ADAMTS12: variants seen among roughly 807,000 people sequenced by gnomAD.
The protein encoded by ADAMTS12 is A disintegrin and metalloproteinase with thrombospondin motifs 12.
A neutral mutation model predicts 167.8 loss-of-function variants in ADAMTS12; 118 were observed. The ratio of observed to expected loss-of-function variants is 0.70; its 90% confidence interval spans 0.61 to 0.82. The LOEUF (loss-of-function observed/expected upper bound fraction) is 0.82. ADAMTS12 is among the 40% of genes least tolerant of loss of function. The probability of loss-of-function intolerance (pLI) is 0.00; values close to 1 mark genes in which losing one functional copy is unlikely to be tolerated. For synonymous variants in ADAMTS12, 704 were observed against 716.9 expected, an observed-to-expected ratio of 0.98 and a Z score of 0.29; for missense variants, 1,916 against 1,998.8, an observed-to-expected ratio of 0.96 and a Z score of 0.79.
intron 3 of ADAMTS12, among the ~76,000 whole-genome samples, chr5:33,737,026 C>T (rs1744398757): frequency 6.6e-6 from 1 of 152,206 alleles, no homozygotes; most frequent in South Asian, 2.1e-4. Flanking sequence ...CCAACATGTG[C>T]ACTTCTACTT....
At chr5:33,682,876 CACAGAAATAATATT>C in intron 5 of ADAMTS12, 128 bp downstream of exon 5, 1 of 630,148 alleles carries the variant, frequency 1.6e-6, no homozygotes, top group Non-Finnish European at 2.7e-6. Flanking sequence ...AAGGGAATAA[CACAGAAATAATATT>C]TTCCTTCTCG....
chr5:33,855,303 C>A (rs1380933899), intron 2 of ADAMTS12, among the ~76,000 whole-genome samples: 1 of 152,220 alleles, frequency 6.6e-6, no homozygotes, highest in Non-Finnish European at 1.5e-5. Context: ...TCATTTGTAG[C>A]ATTCACACAG....
chr5:33,788,273 T>C (rs1204729580), intron 2 of ADAMTS12, among the ~76,000 whole-genome samples: 1 of 151,990 alleles, frequency 6.6e-6, no homozygotes, highest in East Asian at 1.9e-4. Flanking sequence ...ATTAACAGTC[T>C]TTTTTCTCTC....
At chr5:33,852,967 C>G (rs1272357323) in intron 2 of ADAMTS12, among the ~76,000 whole-genome samples, 3 of 152,158 alleles carry the variant, frequency 2.0e-5, no homozygotes, top group Non-Finnish European at 4.4e-5. Flanking sequence ...TAGAACTTAA[C>G]AGAGGCAAGG....
chr5:33,780,751 TG>T (rs1170553283), intron 2 of ADAMTS12, among the ~76,000 whole-genome samples: 2 of 152,170 alleles, frequency 1.3e-5, no homozygotes, highest in Non-Finnish European at 2.9e-5. Context: ...CTCATCCCAC[TG>T]GGTCAAGCAC....
Position 33,581,186 on chromosome 5 carries a change from T to G in ADAMTS12, c.2866-4026A>C, listed in dbSNP as rs1002766020. 2.0e-5 allele frequency among the ~76,000 whole-genome samples: 3 copies of G among 152,250 alleles called. No homozygotes were observed. The East Asian group carries it at 5.8e-4, about 29-fold the overall frequency. On this transcript the variant is annotated intron_variant, in intron 18 of 23. Transcript: ENST00000504830. ...TGTCAAGCCCTTCAGATGAGATAAA[T>G]GCAGTACACAACGCCACACTCCAAA...
At chr5:33,836,885 A>G (rs762021940) in intron 2 of ADAMTS12, among the ~76,000 whole-genome samples, 2 of 152,078 alleles carry the variant, frequency 1.3e-5, no homozygotes, top group Non-Finnish European at 2.9e-5. Flanking sequence ...GAGAGAGGTC[A>G]TCTGGCCTCC....
At chr5:33,679,567 A>G (rs1742035436) in intron 5 of ADAMTS12, among the ~76,000 whole-genome samples, 1 of 152,228 alleles carries the variant, frequency 6.6e-6, no homozygotes. Context: ...TGTTTCAATT[A>G]GCCTAACCGT....
intron 16 of ADAMTS12, chr5:33,603,608 TG>T (rs1338154390): frequency 1.3e-5 from 2 of 152,204 alleles, no homozygotes; most frequent in Non-Finnish European, 1.5e-5. Context: ...CTGTCACTGG[TG>T]TTCTCTGAGA....
At chr5:33,888,359 T>C (rs1750715680) in intron 1 of ADAMTS12, among the ~76,000 whole-genome samples, 1 of 152,212 alleles carries the variant, frequency 6.6e-6, no homozygotes, top group South Asian at 2.1e-4. Context: ...TGTGAAGAAC[T>C]GTGTTGGGCT....
intron 20 of ADAMTS12, among the ~76,000 whole-genome samples, chr5:33,559,577 T>C (rs1745639609): frequency 1.3e-5 from 2 of 152,162 alleles, no homozygotes; most frequent in African/African-American, 4.8e-5. Flanking sequence ...ATGGTAAAAT[T>C]GCACTTTAAA....
intron 16 of ADAMTS12, among the ~76,000 whole-genome samples, chr5:33,612,737 G>C (rs1026511229): frequency 2.6e-5 from 4 of 151,966 alleles, no homozygotes; most frequent in Non-Finnish European, 5.9e-5. Context: ...CCCAGTCCCC[G>C]ACCCTGAGCA....
chr5:33,632,596 T>C (rs1274928516), intron 12 of ADAMTS12, among the ~76,000 whole-genome samples: 2 of 152,126 alleles, frequency 1.3e-5, no homozygotes, highest in East Asian at 3.9e-4. Context: ...TTGGGATTAT[T>C]GTGTAGCTCC....
chr5:33,537,340 G>A (rs1744468778), intron 22 of ADAMTS12, among the ~76,000 whole-genome samples: 2 of 152,342 alleles, frequency 1.3e-5, no homozygotes, highest in East Asian at 1.9e-4. Flanking sequence ...GAGAGTTAAG[G>A]TAAATGCAAA....
chr5:33,670,331 A>T (rs1200829324), intron 5 of ADAMTS12, among the ~76,000 whole-genome samples: 1 of 152,226 alleles, frequency 6.6e-6, no homozygotes, highest in Non-Finnish European at 1.5e-5. Flanking sequence ...TAAAATAAAA[A>T]ATCATGACAA....
chr5:33,686,643 A>C (rs1371834101), intron 3 of ADAMTS12, among the ~76,000 whole-genome samples: 1 of 151,850 alleles, frequency 6.6e-6, no homozygotes, highest in Non-Finnish European at 1.5e-5. Flanking sequence ...AGCTTGTGAC[A>C]GTGGAGCCCC....
At chr5:33,728,971 C>A (rs537452579) in intron 3 of ADAMTS12, among the ~76,000 whole-genome samples, 2 of 152,250 alleles carry the variant, frequency 1.3e-5, no homozygotes, top group East Asian at 3.9e-4. Flanking sequence ...TATATAAATG[C>A]ACATACATAT....
intron 2 of ADAMTS12, among the ~76,000 whole-genome samples, chr5:33,877,852 G>C (rs898551916): frequency 5.3e-5 from 8 of 152,110 alleles, no homozygotes; most frequent in African/African-American, 1.2e-4. Flanking sequence ...TCAAATCACA[G>C]ACAACTCCAA....
At chr5:33,787,985 T>A (rs1401847920) in intron 2 of ADAMTS12, among the ~76,000 whole-genome samples, 1 of 152,100 alleles carries the variant, frequency 6.6e-6, no homozygotes, top group African/African-American at 2.4e-5. Flanking sequence ...ACAGCCTCAC[T>A]CAAACGGGAG....
Sources: allele counts gnomAD v4.1 joint callset (sites outside exome capture counted in the v4.1 genomes callset), GRCh38; gene constraint gnomAD v4.1.1; transcripts MANE v1.5; gene names NCBI Gene and HGNC (gene_info 2026-07-23, HGNC 2026-07-21).